The following SGPL1 variants were observed in gnomAD, a reference collection of about 807,000 sequenced individuals.
The protein encoded by SGPL1 is sphingosine-1-phosphate lyase 1.
SGPL1 carries 37 observed loss-of-function variants against 68.9 expected under a neutral mutation model. The ratio of observed to expected loss-of-function variants is 0.54; its 90% CI spans 0.41 to 0.71. The LOEUF is 0.71. SGPL1 is among the 30% of genes least tolerant of loss of function. SGPL1 has a pLI of 0.00. For missense variants in SGPL1, 551 were observed against 704.6 expected (o/e 0.78, Z 2.47); for synonymous variants, 236 against 248.5 (o/e 0.95, Z 0.47).
At chr10:70,871,187 A>G in intron 10 of SGPL1, 41 bp downstream of exon 10, 2 of 1,360,124 alleles carry the variant, frequency 1.5e-6, no homozygotes, top group Non-Finnish European at 2.1e-6. Context: ...GCAAATGGAT[A>G]TTTTAAAACA....
intron 11 of SGPL1, among the ~76,000 whole-genome samples, chr10:70,872,828 C>T (rs1846319561): frequency 1.3e-5 from 2 of 152,146 alleles, no homozygotes; most frequent in South Asian, 4.2e-4. Context: ...GTCAGATGTT[C>T]TATAAGGAAA....
At chr10:70,842,366 A>C (rs779802065) in intron 2 of SGPL1, among the ~76,000 whole-genome samples, 3 of 152,188 alleles carry the variant, frequency 2.0e-5, no homozygotes, top group Non-Finnish European at 4.4e-5. Context: ...ATCAGTTTGT[A>C]TATCAGTTTT....
intron 7 of SGPL1, among the ~76,000 whole-genome samples, chr10:70,867,373 G>A (rs917261970): frequency 5.3e-5 from 8 of 152,116 alleles, no homozygotes; most frequent in African/African-American, 1.9e-4. Context: ...GACCAGCCTG[G>A]CCAACATGGT....
In SGPL1 at chr10:70,880,408, A is replaced by G. The variant is rs1478799634; in HGVS notation, c.*3073A>G. 6.6e-6 allele frequency: 1 copy of G among 151,892 alleles called. No individual in the cohort carries two copies. The highest frequency in any genetic ancestry group is 1.9e-4 in the East Asian group (1 of 5,178). 9.4% of individuals were successfully genotyped at this position (151,892 alleles called of 1,614,324 possible). The stretch of plus-strand genomic sequence containing the variant: ...TTGCCAGGGACAGGCCCTATCTTAT[A>G]TTTTTTTCCATCTTCATCATCCACT... On this transcript the variant is annotated 3_prime_UTR_variant, in exon 15 of 15. Coordinates refer to ENST00000373202, the MANE Select transcript of SGPL1 (RefSeq NM_003901.4).
intron 2 of SGPL1, 80 bp from the exon 3 acceptor site, chr10:70,844,393 G>C (rs867267900): frequency 4.1e-5 from 53 of 1,298,206 alleles, no homozygotes; most frequent in Non-Finnish European, 5.3e-5. Flanking sequence ...CTTGAAAAAT[G>C]AGAGTTGAAG....
chr10:70,874,606 C>G (rs1009333135), intron 12 of SGPL1, among the ~76,000 whole-genome samples: 6 of 152,146 alleles, frequency 3.9e-5, no homozygotes, highest in Non-Finnish European at 7.4e-5. Flanking sequence ...GCCTGTAATC[C>G]CAGCTACTCA....
chr10:70,838,080 C>T lies in SGPL1; in HGVS notation c.28-6393C>T, dbSNP rs138958203. 7.5e-3 allele frequency among the ~76,000 whole-genome samples: 1,146 copies of T among 152,174 alleles called. 18 individuals carry two copies. The highest frequency in any genetic ancestry group is 0.024 in the African/African-American group (1,011 of 41,478). The stretch of plus-strand genomic sequence containing the variant: ...TGTTACAATGGCAATTAAATTTCAA[C>T]GTGAGTTTTAGGGGGGACATTCAAA... On this transcript the variant is annotated intron_variant, in intron 2 of 14. Transcript: ENST00000373202.
chr10:70,852,281 G>A (rs116667868), intron 4 of SGPL1, among the ~76,000 whole-genome samples: 236 of 152,266 alleles, frequency 1.5e-3, no homozygotes, highest in African/African-American at 5.4e-3. Flanking sequence ...CATTCAGATC[G>A]CTGTGCTAAC....
At chr10:70,860,358 A>G (rs1314082187) in intron 7 of SGPL1, 1 of 463,694 alleles carries the variant, frequency 2.2e-6, no homozygotes. Context: ...GCCCATTCGA[A>G]GAGCACCTAA....
In SGPL1 at chr10:70,839,166, A is replaced by C. The variant is rs184885803; in HGVS notation, c.28-5307A>C. 3.2e-4 allele frequency among the ~76,000 whole-genome samples: 48 copies of C among 152,278 alleles called. No individual in the cohort carries two copies. In the East Asian group the frequency reaches 8.3e-3, roughly 26 times the overall value. On this transcript the variant is annotated intron_variant, in intron 2 of 14. Coordinates refer to ENST00000373202, the MANE Select transcript of SGPL1 (RefSeq NM_003901.4). Reference sequence around the variant, plus strand: ...TTTGATGCCTTTTGGGTATCATCTGAAATGTAATCATTGAATTGGAAATGG... The same window carrying C: ...TTTGATGCCTTTTGGGTATCATCTGCAATGTAATCATTGAATTGGAAATGG...
Position 70,816,799 on chromosome 10 carries a change from T to G in SGPL1, c.-43-12T>G. The G allele has an allele frequency of 6.3e-7, 1 of 1,581,274 alleles. No homozygotes were observed. Among genetic ancestry groups the G allele is most frequent in the Non-Finnish European group, 8.7e-7 (1 of 1,150,284 alleles). ...AGCTCTAGAAGTAAACAAACCTGGTTCCCTTTTACAGAGTCTGAAAAAGGG... is the reference window on the plus strand; with the variant it reads ...AGCTCTAGAAGTAAACAAACCTGGTGCCCTTTTACAGAGTCTGAAAAAGGG... On this transcript the variant is annotated splice_polypyrimidine_tract_variant and intron_variant, in intron 1 of 14. Transcript: ENST00000373202.
In SGPL1 at chr10:70,879,976, A is replaced by G. The variant is rs1846472311; in HGVS notation, c.*2641A>G. On this transcript the variant is annotated 3_prime_UTR_variant, in exon 15 of 15. Transcript: ENST00000373202. ...TGTCACTTTTAATATTACGAGTTTTATACTTGGAAAATGGTACTTGCTTCT... is the reference window on the plus strand; with the variant it reads ...TGTCACTTTTAATATTACGAGTTTTGTACTTGGAAAATGGTACTTGCTTCT... 6.6e-6 allele frequency: 1 copy of G among 152,598 alleles called. No individual in the cohort carries two copies. The highest frequency in any genetic ancestry group is 2.1e-4 in the South Asian group (1 of 4,828). The allele number at this position is 152,598 out of a possible 1,614,324, so 9.5% of individuals were successfully genotyped here.
chr10:70,818,559 A>T (rs925785868), intron 2 of SGPL1, among the ~76,000 whole-genome samples: 40 of 152,218 alleles, frequency 2.6e-4, no homozygotes, highest in African/African-American at 8.9e-4. Flanking sequence ...AAAAACTGGT[A>T]GTGAGATTTC....
Position 70,870,987 on chromosome 10 carries a change from G to GCA in SGPL1, c.811-60_811-59dup, listed in dbSNP as rs1846284466. The stretch of plus-strand genomic sequence containing the variant: ...CTAGCAGCCCAAATTGCTCTTGGCA[G>GCA]CAGAAGAGAAGAGTAATTGTGACAT... On this transcript the variant is annotated intron_variant, in intron 9 of 14. Transcript: ENST00000373202. 6.7e-5 allele frequency: 97 copies of GCA among 1,441,272 alleles called. No individual in the cohort carries two copies. The East Asian group carries it at 2.1e-3, about 31-fold the overall frequency. The allele number at this position is 1,441,272 out of a possible 1,614,324, so 89.3% of individuals were successfully genotyped here. A position where few individuals can be genotyped will look rare whatever the true frequency, so the allele number is the denominator to read the frequency against.
At chr10:70,823,460 C>T (rs1845377586) in intron 2 of SGPL1, among the ~76,000 whole-genome samples, 2 of 149,036 alleles carry the variant, frequency 1.3e-5, no homozygotes, top group Middle Eastern at 7.1e-3. Context: ...ATGACAAACA[C>T]TATTTTGTTG....
intron 2 of SGPL1, among the ~76,000 whole-genome samples, chr10:70,842,786 T>C (rs1389505146): frequency 1.3e-5 from 2 of 152,164 alleles, no homozygotes; most frequent in Non-Finnish European, 2.9e-5. Context: ...CCAAACCATA[T>C]CATGGACCTA....
intron 9 of SGPL1, among the ~76,000 whole-genome samples, chr10:70,870,568 T>G (rs1391313307): frequency 6.6e-6 from 1 of 152,098 alleles, no homozygotes; most frequent in African/African-American, 2.4e-5. Flanking sequence ...CCATTGTCAT[T>G]ATGATAGTGA....
chr10:70,851,321 C>T, intron 4 of SGPL1, 111 bp downstream of exon 4: 3 of 894,638 alleles, frequency 3.4e-6, no homozygotes, highest in East Asian at 2.5e-5. Flanking sequence ...TGTCTCTTAC[C>T]TCCAGGGGAC....
At chr10:70,847,674 TACAC>T (rs1450054242) in intron 3 of SGPL1, among the ~76,000 whole-genome samples, 1 of 152,268 alleles carries the variant, frequency 6.6e-6, no homozygotes, top group African/African-American at 2.4e-5. Flanking sequence ...ATTTAGCACA[TACAC>T]ACACAGCACA....
Sources: allele counts gnomAD v4.1 joint callset (sites outside exome capture counted in the v4.1 genomes callset), GRCh38; gene constraint gnomAD v4.1.1; transcripts MANE v1.5; gene names NCBI Gene and HGNC (gene_info 2026-07-23, HGNC 2026-07-21).